FHIT: variants seen among roughly 807,000 people sequenced by gnomAD.
FHIT encodes the protein bis(5'-adenosyl)-triphosphatase.
A neutral mutation model predicts 17.9 loss-of-function variants in FHIT; 19 were observed. The observed-to-expected ratio is 1.06, with a 90% CI of 0.74 to 1.56. The LOEUF (loss-of-function observed/expected upper bound fraction) is 1.56, where lower values mean the gene tolerates loss of function less well. Among genes scored for constraint, FHIT ranks in the 40% most tolerant of loss-of-function variants. FHIT has a pLI of 0.00. For missense variants in FHIT, 248 were observed against 189.2 expected (o/e 1.31, Z -1.82); for synonymous variants, 81 against 69.7 (o/e 1.16, Z -0.81).
intron 1 of FHIT, among the ~76,000 whole-genome samples, chr3:61,234,281 GA>G (rs2040174620): frequency 6.6e-6 from 1 of 152,102 alleles, no homozygotes; most frequent in Admixed American, 6.6e-5. Flanking sequence ...CCCACTCCTG[GA>G]AATGTCTCCT....
chr3:60,324,979 C>T (rs1476933214), intron 5 of FHIT, among the ~76,000 whole-genome samples: 2 of 151,980 alleles, frequency 1.3e-5, no homozygotes, highest in Admixed American at 1.3e-4. Flanking sequence ...CTAGATATTT[C>T]TGAAGGTTTC....
intron 7 of FHIT, among the ~76,000 whole-genome samples, chr3:59,963,616 AT>A (rs962686436): frequency 6.6e-6 from 1 of 152,186 alleles, no homozygotes. Context: ...AGGAACTTTC[AT>A]ACTTATGATT....
chr3:61,126,977 A>G (rs911240525), intron 2 of FHIT, among the ~76,000 whole-genome samples: 1 of 152,214 alleles, frequency 6.6e-6, no homozygotes, highest in African/African-American at 2.4e-5. Context: ...GGAATGACCA[A>G]GAAAAAAGCA....
intron 5 of FHIT, among the ~76,000 whole-genome samples, chr3:60,452,907 G>C (rs935710935): frequency 6.6e-6 from 1 of 152,082 alleles, no homozygotes; most frequent in Non-Finnish European, 1.5e-5. Flanking sequence ...AATATCTAAA[G>C]TTCATATAAA....
intron 3 of FHIT, among the ~76,000 whole-genome samples, chr3:60,868,579 A>G (rs782477642): frequency 3.9e-5 from 6 of 152,244 alleles, no homozygotes; most frequent in Non-Finnish European, 7.3e-5. Context: ...GGAATAAATT[A>G]TATTTTCCAA....
intron 2 of FHIT, among the ~76,000 whole-genome samples, chr3:61,154,265 T>C (rs919354405): frequency 2.0e-5 from 3 of 152,120 alleles, no homozygotes; most frequent in Non-Finnish European, 4.4e-5. Flanking sequence ...TTACACTAAA[T>C]GAACCGAACA....
chr3:60,759,557 G>T (rs571075312), intron 4 of FHIT, among the ~76,000 whole-genome samples: 1 of 152,278 alleles, frequency 6.6e-6, no homozygotes, highest in East Asian at 1.9e-4. Flanking sequence ...CAGATTGACA[G>T]ATCAGAAAGA....
In FHIT at chr3:60,439,397, T is replaced by C. The variant is rs1351779073; in HGVS notation, c.103+97463A>G. 2.6e-5 allele frequency among the ~76,000 whole-genome samples: 4 copies of C among 152,276 alleles called. 1 individual carries two copies. Among genetic ancestry groups the C allele is most frequent in the Admixed American group, 6.5e-5 (1 of 15,286 alleles). On this transcript the variant is annotated intron_variant, in intron 5 of 9. Transcript: ENST00000492590. ...AACTAGAAGTCCTAACTGATTTGAA[T>C]AAAGGGCTTCTACTGTGCTCTGTGC... is the stretch of plus-strand genomic sequence containing the variant.
intron 5 of FHIT, among the ~76,000 whole-genome samples, chr3:60,367,941 A>G (rs920249847): frequency 6.6e-6 from 1 of 152,196 alleles, no homozygotes; most frequent in African/African-American, 2.4e-5. Context: ...TCAACTATTT[A>G]GAGAAGTCCA....
intron 4 of FHIT, among the ~76,000 whole-genome samples, chr3:60,634,551 G>A (rs12637393): frequency 0.5 from 75,774 of 151,994 alleles, 19,045 homozygotes; most frequent in East Asian, 0.64. Context: ...TTGAGAAATC[G>A]CAATCAATAG....
At chr3:59,805,949 A>C (rs1700176892) in intron 8 of FHIT, among the ~76,000 whole-genome samples, 1 of 152,090 alleles carries the variant, frequency 6.6e-6, no homozygotes, top group African/African-American at 2.4e-5. Flanking sequence ...TGAGAGGCCG[A>C]GGCGGGCAGA....
chr3:61,077,485 CAAAA>C (rs544202019), intron 2 of FHIT, among the ~76,000 whole-genome samples: 17 of 151,422 alleles, frequency 1.1e-4, no homozygotes, highest in East Asian at 9.7e-4. Context: ...AACAAACAAA[CAAAA>C]AAAAACAGCC....
intron 5 of FHIT, among the ~76,000 whole-genome samples, chr3:60,057,570 C>T (rs1702130195): frequency 6.6e-6 from 1 of 152,106 alleles, no homozygotes; most frequent in Admixed American, 6.5e-5. Flanking sequence ...CTGAAACCAA[C>T]CCAATAATCC....
At chr3:59,914,972 G>C (rs1018826016) in intron 8 of FHIT, among the ~76,000 whole-genome samples, 1 of 152,142 alleles carries the variant, frequency 6.6e-6, no homozygotes, top group African/African-American at 2.4e-5. Flanking sequence ...TAATAGCTAT[G>C]TCAAGAACCT....
At chr3:61,030,301 A>C (rs2032948719) in intron 3 of FHIT, among the ~76,000 whole-genome samples, 1 of 152,214 alleles carries the variant, frequency 6.6e-6, no homozygotes, top group African/African-American at 2.4e-5. Flanking sequence ...AACCCCAGGT[A>C]ATTCCTTTAA....
intron 4 of FHIT, among the ~76,000 whole-genome samples, chr3:60,749,694 A>C (rs898787873): frequency 2.0e-5 from 3 of 152,202 alleles, no homozygotes; most frequent in South Asian, 2.1e-4. Context: ...TCTCTAGGAG[A>C]CAATTGGAAA....
At chr3:60,310,127 C>T (rs1245660612) in intron 5 of FHIT, among the ~76,000 whole-genome samples, 2 of 152,110 alleles carry the variant, frequency 1.3e-5, no homozygotes, top group Non-Finnish European at 2.9e-5. Flanking sequence ...CATTTCTCTG[C>T]CGTGGGAAAG....
intron 2 of FHIT, among the ~76,000 whole-genome samples, chr3:61,055,472 T>A (rs368301914): frequency 1.3e-5 from 2 of 152,204 alleles, no homozygotes; most frequent in South Asian, 4.1e-4. Flanking sequence ...CCAAAGCTTA[T>A]AGTGTTTTTC....
At chr3:61,105,372 G>C (rs1421547215) in intron 2 of FHIT, among the ~76,000 whole-genome samples, 1 of 152,056 alleles carries the variant, frequency 6.6e-6, no homozygotes, top group Non-Finnish European at 1.5e-5. Context: ...ACTGTGTGCT[G>C]TAACTCTGGG....
Sources: allele counts gnomAD v4.1 joint callset (sites outside exome capture counted in the v4.1 genomes callset), GRCh38; gene constraint gnomAD v4.1.1; transcripts MANE v1.5; gene names NCBI Gene and HGNC (gene_info 2026-07-23, HGNC 2026-07-21).